Variants in PTPRD observed in about 807,000 individuals in gnomAD.
PTPRD encodes the protein receptor-type tyrosine-protein phosphatase delta.
PTPRD carries 34 observed loss-of-function variants against 214.5 expected under a neutral mutation model. The ratio of observed to expected loss-of-function variants is 0.16; its 90% CI spans 0.12 to 0.21. The LOEUF (loss-of-function observed/expected upper bound fraction) is 0.21. PTPRD is among the 10% of genes least tolerant of loss of function. The pLI is 1.00. For missense variants in PTPRD, 2,545 were observed against 2,398.7 expected, an observed-to-expected ratio of 1.06 and a Z score of -1.27; for synonymous variants, 1,128 against 845.7, an observed-to-expected ratio of 1.33 and a Z score of -5.79.
intron 11 of PTPRD, among the ~76,000 whole-genome samples, chr9:8,938,369 C>G (rs1255313363): frequency 6.6e-6 from 1 of 152,006 alleles, no homozygotes; most frequent in Non-Finnish European, 1.5e-5. Flanking sequence ...GGTTTCTGAG[C>G]TGAGTGAAAA....
chr9:9,566,056 G>A (rs1395300800), intron 8 of PTPRD, among the ~76,000 whole-genome samples: 2 of 151,860 alleles, frequency 1.3e-5, no homozygotes, highest in Non-Finnish European at 2.9e-5. Context: ...TGAATTCTAT[G>A]CTGTTAGGGC....
chr9:10,416,728 ATC>A (rs2154514044), intron 2 of PTPRD, among the ~76,000 whole-genome samples: 1 of 151,998 alleles, frequency 6.6e-6, no homozygotes, highest in Admixed American at 6.6e-5. Context: ...ACTTAAGAGT[ATC>A]TCTGTGGAGA....
intron 14 of PTPRD, among the ~76,000 whole-genome samples, chr9:8,577,369 C>T (rs550526355): frequency 6.6e-6 from 1 of 152,264 alleles, no homozygotes; most frequent in Non-Finnish European, 1.5e-5. Context: ...AATTCTCCTG[C>T]CTCAGCCTCC....
intron 7 of PTPRD, among the ~76,000 whole-genome samples, chr9:9,660,957 G>A (rs1465793366): frequency 6.6e-6 from 1 of 151,958 alleles, no homozygotes; most frequent in African/African-American, 2.4e-5. Context: ...CAGAAGTTGT[G>A]AAGATGTTAG....
chr9:9,550,350 A>G (rs955173772), intron 8 of PTPRD, among the ~76,000 whole-genome samples: 2 of 150,684 alleles, frequency 1.3e-5, no homozygotes, highest in African/African-American at 2.4e-5. Flanking sequence ...CTCTATGGAA[A>G]GAAGTATATA....
intron 12 of PTPRD, among the ~76,000 whole-genome samples, chr9:8,707,913 A>G (rs2098242932): frequency 6.6e-6 from 1 of 152,200 alleles, no homozygotes; most frequent in Admixed American, 6.5e-5. Context: ...AAAAATGATC[A>G]TAGTGCAAGT....
chr9:10,196,116 T>C (rs1219323749), intron 3 of PTPRD, among the ~76,000 whole-genome samples: 2 of 152,190 alleles, frequency 1.3e-5, no homozygotes, highest in Non-Finnish European at 2.9e-5. Flanking sequence ...TGAGACTATA[T>C]ACACTTATCA....
chr9:9,869,869 C>G (rs1428400702), intron 5 of PTPRD, among the ~76,000 whole-genome samples: 1 of 151,658 alleles, frequency 6.6e-6, no homozygotes, highest in Non-Finnish European at 1.5e-5. Context: ...AAAAATACAG[C>G]AGAGATTGAG....
chr9:9,136,580 G>A (rs2099851250), intron 10 of PTPRD, among the ~76,000 whole-genome samples: 1 of 152,106 alleles, frequency 6.6e-6, no homozygotes, highest in African/African-American at 2.4e-5. Context: ...GAAATCAAGA[G>A]TAACTTAATT....
intron 11 of PTPRD, among the ~76,000 whole-genome samples, chr9:8,969,613 G>A (rs1022343826): frequency 2.2e-4 from 34 of 152,014 alleles, no homozygotes; most frequent in African/African-American, 7.2e-4. Context: ...TTATAAAAAA[G>A]TATGCAAATA....
At chr9:8,801,635 G>A (rs2096573076) in intron 11 of PTPRD, among the ~76,000 whole-genome samples, 1 of 152,206 alleles carries the variant, frequency 6.6e-6, no homozygotes, top group African/African-American at 2.4e-5. Flanking sequence ...AGAATCACTT[G>A]AGCCCGGGAA....
intron 5 of PTPRD, among the ~76,000 whole-genome samples, chr9:9,847,009 A>G (rs375562547): frequency 6.6e-6 from 1 of 152,144 alleles, no homozygotes; most frequent in South Asian, 2.1e-4. Context: ...CCAGAAAAAA[A>G]TAAAGCATCC....
chr9:8,382,907 CA>C (rs2135335958), intron 37 of PTPRD, among the ~76,000 whole-genome samples: 1 of 152,304 alleles, frequency 6.6e-6, no homozygotes, highest in Non-Finnish European at 1.5e-5. Context: ...CTTCCAGTTC[CA>C]TTTGGAAAAG....
intron 10 of PTPRD, among the ~76,000 whole-genome samples, chr9:9,161,320 T>C (rs537349675): frequency 5.3e-4 from 81 of 152,250 alleles, no homozygotes; most frequent in Middle Eastern, 6.8e-3. Flanking sequence ...TTATGATTTG[T>C]CAATTGAAAG....
intron 9 of PTPRD, among the ~76,000 whole-genome samples, chr9:9,191,357 T>C (rs2131841593): frequency 6.6e-6 from 1 of 151,968 alleles, no homozygotes; most frequent in African/African-American, 2.4e-5. Flanking sequence ...GTGGATCTTC[T>C]TTCATTTGGT....
At chr9:9,062,036 C>T (rs2099708480) in intron 10 of PTPRD, among the ~76,000 whole-genome samples, 2 of 152,064 alleles carry the variant, frequency 1.3e-5, no homozygotes, top group Admixed American at 1.3e-4. Context: ...AATATTACTC[C>T]CTCATCCAAT....
chr9:9,614,903 C>T (rs1004897257), intron 7 of PTPRD, among the ~76,000 whole-genome samples: 9 of 152,056 alleles, frequency 5.9e-5, no homozygotes, highest in African/African-American at 1.9e-4. Context: ...TCCCAATGCA[C>T]CCTTCAATAT....
At chr9:9,205,813 T>C (rs1214115535) in intron 9 of PTPRD, among the ~76,000 whole-genome samples, 6 of 152,186 alleles carry the variant, frequency 3.9e-5, no homozygotes, top group African/African-American at 1.4e-4. Context: ...AGATTGTACA[T>C]GCAGCAGTTA....
intron 4 of PTPRD, among the ~76,000 whole-genome samples, chr9:9,958,700 A>T (rs112282519): frequency 0.029 from 4,463 of 152,318 alleles, 224 homozygotes; most frequent in African/African-American, 0.1. Flanking sequence ...AAACTCAGCA[A>T]TAAGGAAACA....
Sources: gnomAD v4.1 joint callset for allele counts (sites outside exome capture counted in the v4.1 genomes callset) on GRCh38, gnomAD v4.1.1 for gene constraint, MANE v1.5 for transcripts, NCBI Gene and HGNC (gene_info 2026-07-23, HGNC 2026-07-21) for gene names.